The following NRG1 variants were observed in gnomAD, a reference collection of about 807,000 sequenced individuals.
The protein encoded by NRG1 is neuregulin 1, also known as pro-neuregulin-1, membrane-bound isoform.
NRG1 carries 18 observed loss-of-function variants against 63.8 expected under a neutral mutation model. The ratio of observed to expected loss-of-function variants is 0.28; its 90% CI spans 0.19 to 0.42. The LOEUF is 0.42. Ranked by LOEUF, NRG1 falls within the 10% of genes least tolerant of loss-of-function variation. The probability of loss-of-function intolerance (pLI) is 1.00; values close to 1 mark genes in which losing one functional copy is unlikely to be tolerated. For missense variants in NRG1, 762 were observed against 814.7 expected (o/e 0.94, Z 0.79); for synonymous variants, 302 against 301.3 (o/e 1.00, Z -0.02).
At chr8:31,767,465 A>G (rs898133112) in intron 1 of NRG1, among the ~76,000 whole-genome samples, 1 of 152,164 alleles carries the variant, frequency 6.6e-6, no homozygotes, top group African/African-American at 2.4e-5. Flanking sequence ...AACATTGAAC[A>G]TTCCCTCACT....
chr8:32,647,769 A>G, intron 5 of NRG1: 6 of 1,607,174 alleles, frequency 3.7e-6, no homozygotes, highest in Non-Finnish European at 4.3e-6. Context: ...GAGGTCCTCC[A>G]GCCCCTCCAC....
At chr8:32,601,307 G>A (rs1844309932) in intron 2 of NRG1, among the ~76,000 whole-genome samples, 1 of 152,112 alleles carries the variant, frequency 6.6e-6, no homozygotes, top group African/African-American at 2.4e-5. Flanking sequence ...ACAGGATTTT[G>A]TTGTAAAAAA....
chr8:31,716,039 C>T (rs933822477), intron 1 of NRG1, among the ~76,000 whole-genome samples: 3 of 152,026 alleles, frequency 2.0e-5, no homozygotes, highest in Admixed American at 1.3e-4. Context: ...ATAGCAATTG[C>T]GTGAATGAAA....
chr8:32,198,756 C>T (rs1044575674), intron 1 of NRG1, among the ~76,000 whole-genome samples: 2 of 152,104 alleles, frequency 1.3e-5, no homozygotes, highest in African/African-American at 4.8e-5. Flanking sequence ...TGACAGGGCT[C>T]TCTTATTCTT....
chr8:32,237,166 C>T (rs1847649695), intron 1 of NRG1, among the ~76,000 whole-genome samples: 1 of 152,150 alleles, frequency 6.6e-6, no homozygotes, highest in South Asian at 2.1e-4. Flanking sequence ...ATTTCATTCC[C>T]TCTACTGCAC....
intron 1 of NRG1, among the ~76,000 whole-genome samples, chr8:31,720,226 A>G (rs900374547): frequency 1.3e-5 from 2 of 152,096 alleles, no homozygotes; most frequent in African/African-American, 4.8e-5. Flanking sequence ...TTATTTTTCT[A>G]TTCCTGGTGA....
chr8:32,261,101 G>T (rs528302556), intron 1 of NRG1, among the ~76,000 whole-genome samples: 7 of 152,284 alleles, frequency 4.6e-5, no homozygotes, highest in African/African-American at 1.2e-4. Context: ...TGCAAAGATA[G>T]TACAGAGAGT....
chr8:32,300,471 A>C (rs780054868), intron 1 of NRG1, among the ~76,000 whole-genome samples: 5 of 152,252 alleles, frequency 3.3e-5, no homozygotes, highest in Non-Finnish European at 7.3e-5. Flanking sequence ...TTTATCCAAG[A>C]ATCTCTAAAG....
At chr8:31,681,298 A>C (rs1327308809) in intron 1 of NRG1, among the ~76,000 whole-genome samples, 1 of 152,180 alleles carries the variant, frequency 6.6e-6, no homozygotes, top group Non-Finnish European at 1.5e-5. Flanking sequence ...ATTTAGTTTT[A>C]CTACATTACT....
chr8:32,222,178 C>CTGA (rs1168323846), intron 1 of NRG1, among the ~76,000 whole-genome samples: 3 of 151,976 alleles, frequency 2.0e-5, no homozygotes, highest in African/African-American at 7.2e-5. Context: ...GAAACAAAGG[C>CTGA]TGATACTACT....
At chr8:31,894,827 G>A (rs1019915627) in intron 1 of NRG1, among the ~76,000 whole-genome samples, 1 of 152,098 alleles carries the variant, frequency 6.6e-6, no homozygotes, top group African/African-American at 2.4e-5. Flanking sequence ...TGGGATTACA[G>A]GCGTGAGCCA....
At chr8:32,737,990 A>G (rs1825510728) in intron 6 of NRG1, among the ~76,000 whole-genome samples, 1 of 152,074 alleles carries the variant, frequency 6.6e-6, no homozygotes, top group Non-Finnish European at 1.5e-5. Flanking sequence ...CTCCTTTGAT[A>G]CAATTGTGGA....
chr8:32,744,536 C>A (rs35033136), intron 7 of NRG1, among the ~76,000 whole-genome samples: 1 of 151,910 alleles, frequency 6.6e-6, no homozygotes, highest in Non-Finnish European at 1.5e-5. Context: ...TTATTTAATA[C>A]CTTAAAGCAT....
At chr8:31,798,221 G>A (rs1025109675) in intron 1 of NRG1, among the ~76,000 whole-genome samples, 3 of 151,974 alleles carry the variant, frequency 2.0e-5, no homozygotes, top group Non-Finnish European at 4.4e-5. Context: ...TTCAATATTC[G>A]CAACACAGAG....
chr8:32,019,829 A>C (rs914810846), intron 1 of NRG1, among the ~76,000 whole-genome samples: 3 of 152,186 alleles, frequency 2.0e-5, no homozygotes, highest in Non-Finnish European at 4.4e-5. Context: ...AGTGGTGACT[A>C]TATCATAAAC....
chr8:32,525,314 T>A (rs1830713889), intron 1 of NRG1, among the ~76,000 whole-genome samples: 2 of 152,214 alleles, frequency 1.3e-5, no homozygotes, highest in East Asian at 3.9e-4. Context: ...CCTGTGGCAC[T>A]GCTGAAAGTC....
chr8:32,221,752 CGA>C (rs997269259), intron 1 of NRG1, among the ~76,000 whole-genome samples: 3 of 151,850 alleles, frequency 2.0e-5, no homozygotes, highest in African/African-American at 7.3e-5. Context: ...GACTAAATGT[CGA>C]GCCCGTGAAT....
At chr8:31,755,192 C>A (rs1816848789) in intron 1 of NRG1, among the ~76,000 whole-genome samples, 1 of 152,104 alleles carries the variant, frequency 6.6e-6, no homozygotes, top group African/African-American at 2.4e-5. Context: ...GGAAGAGTGA[C>A]CTGTGTGGCC....
intron 5 of NRG1, among the ~76,000 whole-genome samples, chr8:32,660,530 G>A (rs563162534): frequency 2.0e-5 from 3 of 152,250 alleles, no homozygotes; most frequent in East Asian, 1.9e-4. Flanking sequence ...AAAGTCGGAC[G>A]TGATTTAAAA....
Sources: gnomAD v4.1 joint callset for allele counts (sites outside exome capture counted in the v4.1 genomes callset) on GRCh38, gnomAD v4.1.1 for gene constraint, MANE v1.5 for transcripts, NCBI Gene and HGNC (gene_info 2026-07-23, HGNC 2026-07-21) for gene names.